ARHGEF33: variants seen among roughly 807,000 people sequenced by gnomAD.
ARHGEF33 encodes the protein DH and coiled-coil domain-containing protein ENSP00000381780.
Under a neutral mutation model 101.9 loss-of-function variants are expected in ARHGEF33, and 72 were observed. That is an observed-to-expected ratio of 0.71 (90% CI 0.58 to 0.86). The LOEUF (loss-of-function observed/expected upper bound fraction) is 0.86. Ranked by LOEUF, ARHGEF33 falls within the 40% of genes least tolerant of loss-of-function variation. The pLI, the probability that ARHGEF33 is intolerant of heterozygous loss-of-function variation, is 0.00. For synonymous variants in ARHGEF33, 499 were observed against 442.5 expected (o/e 1.13, Z -1.60); for missense variants, 1,169 against 1,111.3 (o/e 1.05, Z -0.74).
intron 12 of ARHGEF33, 66 bp downstream of exon 12, chr2:38,953,311 AC>A: frequency 1.0e-6 from 1 of 953,288 alleles, no homozygotes; most frequent in Non-Finnish European, 1.7e-6. Context: ...TTGCTCATCC[AC>A]CCAGTCAATA....
intron 7 of ARHGEF33, among the ~76,000 whole-genome samples, chr2:38,933,208 G>A (rs1667045746): frequency 6.6e-6 from 1 of 152,062 alleles, no homozygotes; most frequent in Non-Finnish European, 1.5e-5. Context: ...TCAGGTGAAG[G>A]CTCTACTCAT....
chr2:38,919,218 T>G, intron 2 of ARHGEF33, 145 bp from the exon 3 acceptor site: 1 of 490,856 alleles, frequency 2.0e-6, no homozygotes, highest in Non-Finnish European at 3.7e-6. Context: ...ATGCTAAATG[T>G]GTACTTAATT....
chr2:38,896,723 CATT>C (rs922694678), intron 2 of ARHGEF33, among the ~76,000 whole-genome samples: 2 of 152,142 alleles, frequency 1.3e-5, no homozygotes, highest in Non-Finnish European at 2.9e-5. Flanking sequence ...TAATTTAAAA[CATT>C]ATTTTTAAAT....
At chr2:38,969,624 C>T (rs1425136075) in intron 17 of ARHGEF33, 1 of 164,610 alleles carries the variant, frequency 6.1e-6, no homozygotes, top group Non-Finnish European at 1.5e-5. Flanking sequence ...AAAGAATGAC[C>T]TTCTGATTGT....
chr2:38,920,177 A>G (rs1666723556), intron 3 of ARHGEF33, among the ~76,000 whole-genome samples: 1 of 152,166 alleles, frequency 6.6e-6, no homozygotes, highest in Admixed American at 6.5e-5. Context: ...ATACACATCC[A>G]CACAACCAAA....
chr2:38,927,079 T>C (rs1370965691), intron 4 of ARHGEF33, among the ~76,000 whole-genome samples: 2 of 152,292 alleles, frequency 1.3e-5, no homozygotes, highest in East Asian at 3.9e-4. Flanking sequence ...TTAAAACTGA[T>C]TGAAATGAAA....
chr2:38,959,612 T>A, intron 15 of ARHGEF33: 1 of 475,736 alleles, frequency 2.1e-6, no homozygotes, highest in East Asian at 3.4e-5. Context: ...CGCAGGCCAT[T>A]TCCCAGAAGC....
intron 17 of ARHGEF33, among the ~76,000 whole-genome samples, chr2:38,969,162 C>CTATACCTTCTATAGGAAGGTAT (rs1668115706): frequency 1.3e-5 from 2 of 152,150 alleles, no homozygotes; most frequent in Non-Finnish European, 2.9e-5. Flanking sequence ...AGGAAGGAAC[C>CTATACCTTCTATAGGAAGGTAT]AGAAGAGACA....
At chr2:38,890,968 G>GTTTTTTTTTTTTTTTTT (rs11380408) in intron 1 of ARHGEF33, among the ~76,000 whole-genome samples, 2 of 145,008 alleles carry the variant, frequency 1.4e-5, no homozygotes, top group African/African-American at 2.5e-5. Flanking sequence ...CATACTATTG[G>GTTTTTTTTTTTTTTTTT]TTTTTTTTTT....
intron 9 of ARHGEF33, among the ~76,000 whole-genome samples, 165 bp downstream of exon 9, chr2:38,937,724 A>G (rs911077580): frequency 2.6e-5 from 4 of 152,096 alleles, no homozygotes; most frequent in African/African-American, 9.7e-5. Flanking sequence ...AGGTAAAGGG[A>G]CTCATTAGAG....
intron 1 of ARHGEF33, among the ~76,000 whole-genome samples, chr2:38,893,568 C>T (rs1228256423): frequency 2.0e-5 from 3 of 152,184 alleles, no homozygotes; most frequent in African/African-American, 7.2e-5. Context: ...TTCATCTTTT[C>T]TCTGAAAATT....
intron 2 of ARHGEF33, among the ~76,000 whole-genome samples, chr2:38,904,316 G>A (rs1666337418): frequency 6.6e-6 from 1 of 152,196 alleles, no homozygotes; most frequent in East Asian, 1.9e-4. Context: ...AGAAGGCTGA[G>A]GCAGCTGGCA....
chr2:38,971,854 T>C, intron 17 of ARHGEF33: 1 of 718,594 alleles, frequency 1.4e-6, no homozygotes, highest in Non-Finnish European at 2.6e-6. Context: ...CAGGGCGATT[T>C]TGGCATTTGT....
chr2:38,948,270 C>A (rs1044612430), intron 10 of ARHGEF33, among the ~76,000 whole-genome samples: 5 of 152,192 alleles, frequency 3.3e-5, no homozygotes, highest in Admixed American at 6.5e-5. Context: ...TCAAATAATA[C>A]CCTTGTTAAA....
At chr2:38,902,696 C>T (rs150820396) in intron 2 of ARHGEF33, among the ~76,000 whole-genome samples, 1 of 152,094 alleles carries the variant, frequency 6.6e-6, no homozygotes, top group Non-Finnish European at 1.5e-5. Context: ...TTATTCAAGG[C>T]CTATTCTGTG....
At chr2:38,972,010 G>C in intron 17 of ARHGEF33, 2 of 710,854 alleles carry the variant, frequency 2.8e-6, no homozygotes, top group South Asian at 1.5e-5. Flanking sequence ...GGATAGACCA[G>C]ATGTAGCTAA....
At chr2:38,919,337 C>T in intron 2 of ARHGEF33, 26 bp from the exon 3 acceptor site, 1 of 1,089,310 alleles carries the variant, frequency 9.2e-7, no homozygotes, top group Non-Finnish European at 1.4e-6. Context: ...TACTTGTTAT[C>T]CCTTACTCTT....
At chr2:38,894,199 G>T (rs541791041) in intron 1 of ARHGEF33, among the ~76,000 whole-genome samples, 2 of 152,102 alleles carry the variant, frequency 1.3e-5, no homozygotes, top group Admixed American at 1.3e-4. Flanking sequence ...CAGGCATGGT[G>T]GCATGCACCT....
At chr2:38,923,880 A>G (rs1194066513) in intron 4 of ARHGEF33, among the ~76,000 whole-genome samples, 1 of 152,228 alleles carries the variant, frequency 6.6e-6, no homozygotes, top group Non-Finnish European at 1.5e-5. Context: ...GTGAATATTT[A>G]TTTTGTCTCC....
Sources: allele counts gnomAD v4.1 joint callset (sites outside exome capture counted in the v4.1 genomes callset), GRCh38; gene constraint gnomAD v4.1.1; transcripts MANE v1.5; gene names NCBI Gene and HGNC (gene_info 2026-07-23, HGNC 2026-07-21).